The following TOB1 variants were observed in gnomAD, a reference collection of about 807,000 sequenced individuals.
TOB1 encodes the protein protein Tob1.
A neutral mutation model predicts 22.9 loss-of-function variants in TOB1; 2 were observed. That is an observed-to-expected ratio of 0.09 (90% confidence interval 0.04 to 0.28). The LOEUF is 0.28. TOB1 is among the 10% of genes least tolerant of loss of function. The pLI is 1.00. For synonymous variants in TOB1, 154 were observed against 150.6 expected (o/e 1.02, Z -0.17); for missense variants, 299 against 420.5 (o/e 0.71, Z 2.53).
At chr17:50,867,507 G>T (rs1597991938), upstream of TOB1, 1 of 152,180 alleles carries the variant, frequency 6.6e-6, no homozygotes, top group Non-Finnish European at 1.5e-5. Context: ...TAGCAACGAC[G>T]CCTGATTGGC....
intron 1 of TOB1, among the ~76,000 whole-genome samples, chr17:50,865,347 C>G (rs979974146): frequency 6.6e-6 from 1 of 152,158 alleles, no homozygotes; most frequent in East Asian, 1.9e-4. Flanking sequence ...GAAATTCAGG[C>G]TCGGTGGAAG....
At chr17:50,867,180 C>G (rs1432192780), upstream of TOB1, 1 of 152,320 alleles carries the variant, frequency 6.6e-6, no homozygotes, top group East Asian at 1.9e-4. Context: ...TCCCAGCCCA[C>G]GCCGTGCCCA....
In TOB1 at chr17:50,863,350, G is replaced by A; in HGVS notation, c.668C>T (p.Ser223Phe). Residue 223 changes from serine to phenylalanine, a missense_variant, in exon 2 of 2, where the codon TCT becomes TTT. Physicochemically the swap from Ser to Phe is radical, Grantham distance 155. Transcript: ENST00000499247. Reference sequence around the variant, plus strand: ...CCCATACAGAGAGTGCATTGAGGAAGAGATGGCTTTCTGCTTCAAGAGGTC... The same window carrying A: ...CCCATACAGAGAGTGCATTGAGGAAAAGATGGCTTTCTGCTTCAAGAGGTC... ...VNDLLKQKAISSSMHSLYGLG... is the reference protein window; with the variant it reads ...VNDLLKQKAIFSSMHSLYGLG... 1 of 1,614,206 alleles carries A rather than the reference G, an allele frequency of 6.2e-7. No individual in the cohort carries two copies. The highest frequency in any genetic ancestry group is 8.5e-7 in the Non-Finnish European group (1 of 1,180,052).
At chr17:50,864,889 G>T (rs751857652) in intron 1 of TOB1, among the ~76,000 whole-genome samples, 10 of 152,078 alleles carry the variant, frequency 6.6e-5, no homozygotes, top group Non-Finnish European at 1.2e-4. Context: ...TACCTATTCG[G>T]CAGCAAGTAT....
Position 50,863,258 on chromosome 17 carries a change from G to C in TOB1, c.760C>G (p.Pro254Ala). ...QQPAQPPPPP[P>A]PPQQQQQQKT... ...TGCTGTTGTTGCTGCTGTGGTGGTGGTGGTGGCGGTGGCGGCTGGGCTGGC... is the reference window on the plus strand; with the variant it reads ...TGCTGTTGTTGCTGCTGTGGTGGTGCTGGTGGCGGTGGCGGCTGGGCTGGC... The change falls in exon 2 of 2, where the codon CCA becomes GCA. Residue 254 changes from proline to alanine, a missense_variant. Pro to Ala is a conservative substitution (Grantham distance 27). Transcript: ENST00000499247. 1 of 1,614,050 alleles carries C rather than the reference G, an allele frequency of 6.2e-7. No homozygotes were observed. Among genetic ancestry groups the C allele is most frequent in the Non-Finnish European group, 8.5e-7 (1 of 1,179,986 alleles).
Position 50,862,888 on chromosome 17 carries a change from A to G in TOB1, c.*92T>C. The G allele has an allele frequency of 6.9e-7, 1 of 1,457,842 alleles. No homozygotes were observed. The highest frequency in any genetic ancestry group is 1.4e-5 in the African/African-American group (1 of 69,880). The allele number at this position is 1,457,842 out of a possible 1,614,324, so 90.3% of individuals were successfully genotyped here. On this transcript the variant is annotated 3_prime_UTR_variant, in exon 2 of 2. Transcript: ENST00000499247. ...AACCAAGCTTGAATGTATCCTTACT[A>G]TAAGCTTAAAAAAAAAAATTCTCAA... is the stretch of plus-strand genomic sequence containing the variant.
chr17:50,863,591 T>C lies in TOB1; in HGVS notation c.427A>G (p.Ser143Gly), dbSNP rs1432735904. The C allele has an allele frequency of 1.2e-6, 2 of 1,614,164 alleles. No homozygotes were observed. The highest frequency in any genetic ancestry group is 1.1e-5 in the South Asian group (1 of 91,082). ...CTGGACACTGATGAGGCTGGGTCAC[T>C]TATGGGCATAAAAACCTGGGCCTCT... is the stretch of plus-strand genomic sequence containing the variant. ...NPEAQVFMPI[S>G]DPASSVSSSP... The change falls in exon 2 of 2, where the codon AGT (serine) becomes GGT (glycine). Residue 143 changes from serine to glycine, a missense_variant. Ser to Gly is a moderately conservative substitution (Grantham distance 56, BLOSUM62 0). Transcript: ENST00000499247.
chr17:50,863,061 T>G lies in TOB1; in HGVS notation c.957A>C (p.Lys319Asn). Residue 319 changes from lysine to asparagine, a missense_variant, in exon 2 of 2, where the codon AAA becomes AAC. By Grantham distance (94) the Lys-to-Asn change is moderately conservative (BLOSUM62 0). Transcript: ENST00000499247. ...VFAAYGGLNE[K>N]SFVDGLNFSL... ...TAAAATTCAAGCCATCTACAAAAGA[T>G]TTCTCATTGAGGCCTCCATAGGCTG... 1.9e-6 allele frequency: 3 copies of G among 1,613,830 alleles called. No individual in the cohort carries two copies. The highest frequency in any genetic ancestry group is 2.5e-6 in the Non-Finnish European group (3 of 1,179,958).
intron 1 of TOB1, 132 bp from the exon 2 acceptor site, chr17:50,864,295 A>C (rs1171544059): frequency 5.7e-6 from 2 of 351,602 alleles, no homozygotes; most frequent in Admixed American, 5.1e-5. Context: ...TAAAAAGAAA[A>C]AGAAAATGTC....
At chr17:50,864,788 C>T (rs1369384866) in intron 1 of TOB1, among the ~76,000 whole-genome samples, 3 of 152,152 alleles carry the variant, frequency 2.0e-5, no homozygotes, top group South Asian at 2.1e-4. Context: ...TATATAGTTT[C>T]GGCCTTAAGT....
chr17:50,866,514 C>T (rs1972312751), upstream of TOB1, among the ~76,000 whole-genome samples: 1 of 152,096 alleles, frequency 6.6e-6, no homozygotes, highest in Admixed American at 6.5e-5. Flanking sequence ...CCGGCTCCGC[C>T]CCTGCCCTGC....
At chr17:50,865,809 T>C (rs1972293447) in intron 1 of TOB1, among the ~76,000 whole-genome samples, 1 of 150,928 alleles carries the variant, frequency 6.6e-6, no homozygotes, top group Non-Finnish European at 1.5e-5. Context: ...AACCCCCCAA[T>C]TCCCGTCAGC....
At position 50,863,813 on chromosome 17, in the gene TOB1, C is replaced by T; in HGVS notation, c.205G>A (p.Glu69Lys). ...AAACCACTCTCTTTGGATGCTTGTT[C>T]AATCACTGGGTCCACTTTCTCCCCT... ...HIGEKVDPVIEQASKESGLDI... is the reference protein window; with the variant it reads ...HIGEKVDPVIKQASKESGLDI... Residue 69 changes from glutamate (E) to lysine (K), a missense_variant, in exon 2 of 2, where the codon GAA (glutamate) becomes AAA (lysine). By Grantham distance (56) the Glu-to-Lys change is moderately conservative (BLOSUM62 1). Transcript: ENST00000499247. The T allele has an allele frequency of 6.2e-7, 1 of 1,614,124 alleles. No individual in the cohort carries two copies. Among genetic ancestry groups the T allele is most frequent in the Non-Finnish European group, 8.5e-7 (1 of 1,180,028 alleles).
chr17:50,863,005 T>C lies in TOB1; in HGVS notation c.1013A>G (p.Gln338Arg). 1 of 1,612,688 alleles carries C rather than the reference T, an allele frequency of 6.2e-7. No homozygotes were observed. Among genetic ancestry groups the C allele is most frequent in the Non-Finnish European group, 8.5e-7 (1 of 1,179,164 alleles). ...TTAGTTAGCCATAACAGGCTGGAAT[T>C]GCTGGTTAGAATACTGCATGTTATT... The part of the protein sequence containing the change: ...SLNNMQYSNQ[Q>R]FQPVMAN Residue 338 changes from glutamine (Q) to arginine (R), a missense_variant, in exon 2 of 2, where the codon CAA (glutamine) becomes CGA (arginine). Transcript: ENST00000499247.
At chr17:50,865,599 G>A (rs1016943694) in intron 1 of TOB1, among the ~76,000 whole-genome samples, 1 of 152,066 alleles carries the variant, frequency 6.6e-6, no homozygotes, top group African/African-American at 2.4e-5. Context: ...CGAGCAGGTC[G>A]GGGCGCCGGG....
rs1489622230 is a variant in TOB1, at chr17:50,862,765, A to G, written c.*215T>C. Reference sequence around the variant, plus strand: ...TATATCTTAAATACTGTAAGAGGCCATATCTGAGAGTATACTTTAAAATAT... The same window carrying G: ...TATATCTTAAATACTGTAAGAGGCCGTATCTGAGAGTATACTTTAAAATAT... On this transcript the variant is annotated 3_prime_UTR_variant, in exon 2 of 2. Transcript: ENST00000499247. The G allele has an allele frequency of 1.7e-5, 10 of 592,226 alleles. No individual in the cohort carries two copies. The highest frequency in any genetic ancestry group is 2.6e-5 in the Non-Finnish European group (10 of 384,384). 36.7% of individuals were successfully genotyped at this position (592,226 alleles called of 1,614,324 possible).
At chr17:50,866,559 T>A (rs2143350818), upstream of TOB1, 1 of 152,360 alleles carries the variant, frequency 6.6e-6, no homozygotes, top group Non-Finnish European at 1.5e-5. Flanking sequence ...CGCCTGCCCC[T>A]GTCCGGACGC....
chr17:50,863,165 T>C lies in TOB1; in HGVS notation c.853A>G (p.Ser285Gly), dbSNP rs972165007. 1 of 1,614,184 alleles carries C rather than the reference T, an allele frequency of 6.2e-7. No homozygotes were observed. The highest frequency in any genetic ancestry group is 1.7e-5 in the Admixed American group (1 of 60,024). Residue 285 changes from serine (S) to glycine (G), a missense_variant, in exon 2 of 2, where the codon AGT (serine) becomes GGT (glycine). Transcript: ENST00000499247. The part of the protein sequence containing the change: ...IFPNMQGQGS[S>G]TNGMFPGDSP... ...TCACCTGGGAACATTCCATTGGTAC[T>C]ACTACCTTGACCCTGCATATTAGGA... is the stretch of plus-strand genomic sequence containing the variant.
Position 50,862,430 on chromosome 17 carries a change from A to G in TOB1, c.*550T>C, listed in dbSNP as rs1972228175. 6.6e-6 allele frequency: 1 copy of G among 152,474 alleles called. No individual in the cohort carries two copies. The highest frequency in any genetic ancestry group is 2.4e-5 in the African/African-American group (1 of 41,438). 9.4% of individuals were successfully genotyped at this position (152,474 alleles called of 1,614,324 possible). A position where few individuals can be genotyped will look rare whatever the true frequency, so the allele number is the denominator to read the frequency against. ...TTTTAACAGAAAATACATTTTTTTG[A>G]AAAAGCAAGTATTCGTACATTTTAA... is the stretch of plus-strand genomic sequence containing the variant. On this transcript the variant is annotated 3_prime_UTR_variant, in exon 2 of 2. Transcript: ENST00000499247.
Sources: allele counts gnomAD v4.1 joint callset (sites outside exome capture counted in the v4.1 genomes callset), GRCh38; gene constraint gnomAD v4.1.1; transcripts MANE v1.5; gene names NCBI Gene and HGNC (gene_info 2026-07-23, HGNC 2026-07-21).